The following ANKDD1A variants were observed in gnomAD, a reference collection of about 807,000 sequenced individuals.
ANKDD1A encodes the protein ankyrin repeat and death domain containing 1A, also known as ankyrin repeat and death domain-containing protein 1A.
In ANKDD1A, 59 loss-of-function variants were observed where a neutral mutation model predicts 63.5. That is an observed-to-expected ratio of 0.93 (90% CI 0.75 to 1.15). The LOEUF is 1.15. Among genes scored for constraint, ANKDD1A ranks in the 50% most tolerant of loss-of-function variants. The pLI is 0.00. For missense variants in ANKDD1A, 632 were observed against 656.4 expected (o/e 0.96, Z 0.41); for synonymous variants, 266 against 263.9 (o/e 1.01, Z -0.08).
At chr15:64,912,876 G>A (rs564324639) in intron 1 of ANKDD1A, among the ~76,000 whole-genome samples, 8 of 152,220 alleles carry the variant, frequency 5.3e-5, no homozygotes, top group African/African-American at 1.9e-4. Context: ...TGCCTGGGGC[G>A]GAGGATCACT....
At chr15:64,953,806 TTTTC>T (rs1395671268) in intron 14 of ANKDD1A, among the ~76,000 whole-genome samples, 3 of 141,202 alleles carry the variant, frequency 2.1e-5, no homozygotes, top group East Asian at 4.2e-4. Flanking sequence ...TTCTTCCTTT[TTTTC>T]TTCTTCCTTA....
intron 3 of ANKDD1A, among the ~76,000 whole-genome samples, chr15:64,918,297 C>T (rs1567109592): frequency 1.3e-5 from 2 of 152,218 alleles, no homozygotes; most frequent in African/African-American, 4.8e-5. Context: ...AACTTCCCTG[C>T]AGCGACTTAG....
chr15:64,941,972 G>T (rs1357197102), intron 9 of ANKDD1A, among the ~76,000 whole-genome samples: 2 of 152,162 alleles, frequency 1.3e-5, no homozygotes, highest in African/African-American at 4.8e-5. Flanking sequence ...AGTCCAATAA[G>T]TCATCGTTCC....
At chr15:64,935,669 C>T (rs1056568838) in intron 9 of ANKDD1A, among the ~76,000 whole-genome samples, 9 of 146,970 alleles carry the variant, frequency 6.1e-5, no homozygotes, top group East Asian at 2.0e-4. Flanking sequence ...AGCAAGACTC[C>T]GCCTCAAAAA....
chr15:64,953,260 CTTAG>C (rs1349002852), intron 14 of ANKDD1A, among the ~76,000 whole-genome samples: 3 of 146,532 alleles, frequency 2.0e-5, no homozygotes, highest in African/African-American at 7.6e-5. Flanking sequence ...CTTTCTTCTT[CTTAG>C]TTCTTCCTCT....
intron 6 of ANKDD1A, among the ~76,000 whole-genome samples, chr15:64,927,279 C>T (rs1226581104): frequency 1.3e-5 from 2 of 152,178 alleles, no homozygotes; most frequent in East Asian, 1.9e-4. Flanking sequence ...TCTGATCCGA[C>T]GTGGCTGGCC....
At chr15:64,923,940 T>C (rs2085026997) in intron 4 of ANKDD1A, among the ~76,000 whole-genome samples, 1 of 152,234 alleles carries the variant, frequency 6.6e-6, no homozygotes, top group Non-Finnish European at 1.5e-5. Context: ...CGGACTCTTC[T>C]AGTTAAGCAG....
chr15:64,918,817 G>T (rs914855908), intron 3 of ANKDD1A, among the ~76,000 whole-genome samples: 1 of 152,066 alleles, frequency 6.6e-6, no homozygotes, highest in Non-Finnish European at 1.5e-5. Context: ...AGCTGGGTGT[G>T]GTGGCACACA....
At chr15:64,952,247 TCTTCTCCTTCTTC>T (rs1360863964) in intron 14 of ANKDD1A, among the ~76,000 whole-genome samples, 1 of 150,926 alleles carries the variant, frequency 6.6e-6, no homozygotes, top group Non-Finnish European at 1.5e-5. Context: ...TTCTTCTTAT[TCTTCTCCTTCTTC>T]CTTCTCCTTC....
intron 1 of ANKDD1A, 31 bp downstream of exon 1, chr15:64,911,995 G>GCCCC: frequency 3.3e-6 from 1 of 300,902 alleles, no homozygotes. Context: ...GAGGGGGGCG[G>GCCCC]GCCGAGGCCG....
At chr15:64,952,653 T>TTCTCCTCC (rs2085316077) in intron 14 of ANKDD1A, among the ~76,000 whole-genome samples, 7 of 9,910 alleles carry the variant, frequency 7.1e-4, no homozygotes, top group African/African-American at 9.1e-4. Context: ...CTCCTTCTCC[T>TTCTCCTCC]TCTTCTTCCC....
intron 14 of ANKDD1A, among the ~76,000 whole-genome samples, chr15:64,953,600 C>CT (rs2085348975): frequency 0.019 from 580 of 29,772 alleles, 7 homozygotes; most frequent in African/African-American, 0.072. Context: ...TTCTCCTTTT[C>CT]TTCTTTCTTC....
At chr15:64,934,528 C>T (rs1246746410) in intron 9 of ANKDD1A, among the ~76,000 whole-genome samples, 1 of 123,686 alleles carries the variant, frequency 8.1e-6, no homozygotes, top group African/African-American at 3.2e-5. Flanking sequence ...GAGACAGAGT[C>T]TTGCTCTGTT....
At chr15:64,931,403 AG>A in intron 7 of ANKDD1A, 83 bp from the exon 8 acceptor site, 1 of 1,344,468 alleles carries the variant, frequency 7.4e-7, no homozygotes. Context: ...CCAAGGCACA[AG>A]GGGCATCCTC....
chr15:64,940,362 C>T (rs1168825946), intron 9 of ANKDD1A, among the ~76,000 whole-genome samples: 2 of 151,868 alleles, frequency 1.3e-5, no homozygotes, highest in African/African-American at 4.8e-5. Flanking sequence ...TAAGAGGATC[C>T]TCTCCACCAT....
intron 14 of ANKDD1A, chr15:64,950,666 A>G: frequency 2.0e-6 from 2 of 983,386 alleles, no homozygotes; most frequent in Non-Finnish European, 2.4e-6. Flanking sequence ...CACTCCTGAC[A>G]TATTTCTAGT....
chr15:64,930,861 C>G lies in ANKDD1A; in HGVS notation c.610C>G (p.His204Asp). Residue 204 changes from histidine to aspartate, a missense_variant, in exon 7 of 15, where the codon CAT (histidine) becomes GAT (aspartate). Coordinates refer to ENST00000319580, the MANE Select transcript of ANKDD1A (RefSeq NM_182703.6). The stretch of plus-strand genomic sequence containing the variant: ...CCTTCATCTGGCTGCTGGTCGGGGC[C>G]ATATGGCTGTGCTGCAGCGACTTGT... ...TALHLAAGRGHMAVLQRLVDI... is the reference protein window; with the variant it reads ...TALHLAAGRGDMAVLQRLVDI... The G allele has an allele frequency of 6.2e-7, 1 of 1,613,192 alleles. No homozygotes were observed. The highest frequency in any genetic ancestry group is 1.1e-5 in the South Asian group (1 of 90,926).
In ANKDD1A at chr15:64,934,150, C is replaced by T; in HGVS notation, c.783C>T (p.Cys261=). 1.2e-6 allele frequency: 2 copies of T among 1,609,782 alleles called. No individual in the cohort carries two copies. The highest frequency in any genetic ancestry group is 1.7e-6 in the Non-Finnish European group (2 of 1,177,488). The change falls in exon 9 of 15, where the codon TGC becomes TGT. Residue 261 remains cysteine, a synonymous_variant. Coordinates refer to ENST00000319580, the MANE Select transcript of ANKDD1A (RefSeq NM_182703.6). ...TTTCCTTCTAGAAAAACCTAAGCTG[C>T]CTTCACTATGCAGCCCTCAGTGGCT... ...VNALTQKNLS[C]LHYAALSGSE...
rs1370008952 is a variant in ANKDD1A, at chr15:64,953,728, TCTC to T, written c.1484-3369_1484-3367del. Among the ~76,000 whole-genome samples, 64 of 23,464 alleles carry T rather than the reference TCTC, an allele frequency of 2.7e-3. 1 individual carries two copies. Among genetic ancestry groups the T allele is most frequent in the African/African-American group, 4.6e-3 (58 of 12,512 alleles). The allele number at this position is 23,464 out of a possible 152,430, so 15.4% of individuals were successfully genotyped here. A position where few individuals can be genotyped will look rare whatever the true frequency, so the allele number is the denominator to read the frequency against. On this transcript the variant is annotated intron_variant, in intron 14 of 14. Transcript: ENST00000319580. ...TTCTTCTCCTTGTTCTTCTCCTTCTTCTCCTCCTTCTTCTTTCCTCTTTTCTTC... is the reference window on the plus strand; with the variant it reads ...TTCTTCTCCTTGTTCTTCTCCTTCTTCTCCTTCTTCTTTCCTCTTTTCTTC...
Sources: allele counts gnomAD v4.1 joint callset (sites outside exome capture counted in the v4.1 genomes callset), GRCh38; gene constraint gnomAD v4.1.1; transcripts MANE v1.5; gene names NCBI Gene and HGNC (gene_info 2026-07-23, HGNC 2026-07-21).